Variants in BLCAP observed in about 807,000 individuals in gnomAD.
The protein encoded by BLCAP is BLCAP apoptosis inducing factor.
Under a neutral mutation model 5.7 loss-of-function variants are expected in BLCAP, and 1 was observed. The ratio of observed to expected loss-of-function variants is 0.18; its 90% confidence interval spans 0.06 to 0.83. BLCAP has a LOEUF of 0.83. Among genes scored for constraint, BLCAP ranks in the 40% least tolerant of loss-of-function variants. The probability of loss-of-function intolerance (pLI) is 0.71; values close to 1 mark genes in which losing one functional copy is unlikely to be tolerated. For synonymous variants in BLCAP, 48 were observed against 49.4 expected (o/e 0.97, Z 0.11); for missense variants, 66 against 107.6 (o/e 0.61, Z 1.71).
At position 37,521,402 on chromosome 20, in the gene BLCAP, A is replaced by C. The variant is rs1401437529; in HGVS notation, c.-176-2052T>G. ...TGGTACATCTTCCGCGTGCTGCTGCAGGTAAGTCTGACGGGGTTTCGGGTG... is the reference window on the plus strand; with the variant it reads ...TGGTACATCTTCCGCGTGCTGCTGCCGGTAAGTCTGACGGGGTTTCGGGTG... On this transcript the variant is annotated intron_variant, in intron 1 of 1. Coordinates refer to ENST00000373537, the MANE Select transcript of BLCAP (RefSeq NM_006698.4). The surrounding 1 kb of genome is among the most constrained non-coding windows in gnomAD (Gnocchi z 4.5). The C allele has an allele frequency of 1.2e-6, 2 of 1,614,082 alleles. No homozygotes were observed. The highest frequency in any genetic ancestry group is 1.7e-6 in the Non-Finnish European group (2 of 1,179,956).
chr20:37,522,397 T>C, intron 1 of BLCAP: 1 of 1,613,994 alleles, frequency 6.2e-7, no homozygotes, highest in Non-Finnish European at 8.5e-7. Context: ...AGGATTCGCT[T>C]TTCGAAATCC....
rs994815134 is a variant in BLCAP, at chr20:37,521,180, A to G, written c.-176-1830T>C. On this transcript the variant is annotated intron_variant, in intron 1 of 1. Transcript: ENST00000373537. The surrounding 1 kb of genome is among the most constrained non-coding windows in gnomAD (Gnocchi z 4.5). ...CCCCCAGCCACCCCTCCTCATAAAC[A>G]CCCCCCAAGGCGCGCATGCGCACTT... is the stretch of plus-strand genomic sequence containing the variant. The G allele has an allele frequency of 1.4e-6, 1 of 736,738 alleles. No homozygotes were observed. The highest frequency in any genetic ancestry group is 2.4e-6 in the Non-Finnish European group (1 of 421,722). The allele number at this position is 736,738 out of a possible 1,614,324, so 45.6% of individuals were successfully genotyped here.
intron 1 of BLCAP, among the ~76,000 whole-genome samples, chr20:37,526,420 C>T (rs1037534912): frequency 6.6e-6 from 1 of 152,066 alleles, no homozygotes; most frequent in African/African-American, 2.4e-5. Flanking sequence ...TCACCATCTT[C>T]CCTGGGAGTG....
chr20:37,524,172 T>C (rs1330669003), intron 1 of BLCAP, among the ~76,000 whole-genome samples: 5 of 152,124 alleles, frequency 3.3e-5, no homozygotes, highest in Non-Finnish European at 5.9e-5. Flanking sequence ...ACAATGAGTA[T>C]GGGATAAGAG....
Position 37,521,669 on chromosome 20 carries a change from G to A in BLCAP, c.-176-2319C>T, listed in dbSNP as rs1166413338. On this transcript the variant is annotated intron_variant, in intron 1 of 1. Coordinates refer to ENST00000373537, the MANE Select transcript of BLCAP (RefSeq NM_006698.4). The surrounding 1 kb of genome is among the most constrained non-coding windows in gnomAD (Gnocchi z 4.5). ...GGCGACCGCTGCGGACGATCACCCA[G>A]GCATTTAGCGACCTACGCGGTAAGA... 1.5e-5 allele frequency: 7 copies of A among 476,058 alleles called. No individual in the cohort carries two copies. The highest frequency in any genetic ancestry group is 2.7e-5 in the Non-Finnish European group (7 of 263,492). The allele number at this position is 476,058 out of a possible 1,614,324, so 29.5% of individuals were successfully genotyped here. A position where few individuals can be genotyped will look rare whatever the true frequency, so the allele number is the denominator to read the frequency against.
rs11481521 is a variant in BLCAP at position 37,522,067 on chromosome 20, G to GA, written c.-176-2718dup. Among the ~76,000 whole-genome samples the GA allele has an allele frequency of 9.3e-3, 1,384 of 148,060 alleles. 10 individuals are homozygous for GA. The highest frequency in any genetic ancestry group is 0.015 in the Non-Finnish European group (1,009 of 67,256). On this transcript the variant is annotated intron_variant, in intron 1 of 1. Transcript: ENST00000373537. ...AAAAAATTAGACAAGGGAGCTAACGGAAAAAAATGGATCGGGCAAAAACGC... is the reference window on the plus strand; with the variant it reads ...AAAAAATTAGACAAGGGAGCTAACGGAAAAAAAATGGATCGGGCAAAAACGC...
In BLCAP at chr20:37,517,792, T is replaced by C. The variant is rs1171340508; in HGVS notation, c.*1119A>G. On this transcript the variant is annotated 3_prime_UTR_variant, in exon 2 of 2. Coordinates refer to ENST00000373537, the MANE Select transcript of BLCAP (RefSeq NM_006698.4). ...AACGAAGAAGCTCCTGGCGGGAGGA[T>C]GATGGCCACTGCTCCCCTCTGTCTT... is the stretch of plus-strand genomic sequence containing the variant. The C allele has an allele frequency of 6.5e-6, 1 of 152,710 alleles. No individual in the cohort carries two copies. The highest frequency in any genetic ancestry group is 1.5e-5 in the Non-Finnish European group (1 of 68,082). The allele number at this position is 152,710 out of a possible 1,614,324, so 9.5% of individuals were successfully genotyped here. A position where few individuals can be genotyped will look rare whatever the true frequency, so the allele number is the denominator to read the frequency against.
Position 37,518,808 on chromosome 20 carries a change from A to C in BLCAP, c.*103T>G. On this transcript the variant is annotated 3_prime_UTR_variant, in exon 2 of 2. Coordinates refer to ENST00000373537, the MANE Select transcript of BLCAP (RefSeq NM_006698.4). ...CCAAAAAGGCGCCGTCAGGAATGTG[A>C]CACCCGCGAGGCTGCGGGATTTGAA... The C allele has an allele frequency of 6.7e-7, 1 of 1,486,816 alleles. No homozygotes were observed. The highest frequency in any genetic ancestry group is 9.0e-7 in the Non-Finnish European group (1 of 1,108,858). The allele number at this position is 1,486,816 out of a possible 1,614,324, so 92.1% of individuals were successfully genotyped here. A position where few individuals can be genotyped will look rare whatever the true frequency, so the allele number is the denominator to read the frequency against.
chr20:37,522,822 C>T (rs1163916676), intron 1 of BLCAP: 3 of 1,449,898 alleles, frequency 2.1e-6, no homozygotes, highest in Non-Finnish European at 2.8e-6. Context: ...TCGGCCAGCA[C>T]GGGAGCCAGT....
At chr20:37,524,306 G>A in intron 1 of BLCAP, 1 of 152,452 alleles carries the variant, frequency 6.6e-6, no homozygotes. Context: ...CCTCACCCCA[G>A]AAACCTCTCT....
Position 37,518,815 on chromosome 20 carries a change from C to T in BLCAP, c.*96G>A. 4.0e-6 allele frequency: 6 copies of T among 1,511,592 alleles called. No homozygotes were observed. Among genetic ancestry groups the T allele is most frequent in the Middle Eastern group, 1.8e-4 (1 of 5,594 alleles). The allele number at this position is 1,511,592 out of a possible 1,614,324, so 93.6% of individuals were successfully genotyped here. On this transcript the variant is annotated 3_prime_UTR_variant, in exon 2 of 2. Coordinates refer to ENST00000373537, the MANE Select transcript of BLCAP (RefSeq NM_006698.4). ...GGCGCCGTCAGGAATGTGACACCCG[C>T]GAGGCTGCGGGATTTGAAACTCCAA...
Position 37,518,874 on chromosome 20 carries a change from G to A in BLCAP, c.*37C>T, listed in dbSNP as rs369506114. On this transcript the variant is annotated 3_prime_UTR_variant, in exon 2 of 2. Transcript: ENST00000373537. ...GACCTATGTCAATGCCTCCCCTCCC[G>A]TCTTCTGCTTCCTTGGAAAGCTAAC... 7 of 1,605,664 alleles carry A rather than the reference G, an allele frequency of 4.4e-6. No homozygotes were observed. The Admixed American group carries it at 6.7e-5, about 15-fold the overall frequency.
chr20:37,522,369 A>G, intron 1 of BLCAP: 1 of 1,613,934 alleles, frequency 6.2e-7, no homozygotes, highest in Non-Finnish European at 8.5e-7. Flanking sequence ...TGTTCCTGGA[A>G]TGCTGCATTT....
intron 1 of BLCAP, chr20:37,522,560 T>C (rs1601094159): frequency 1.2e-6 from 1 of 847,566 alleles, no homozygotes; most frequent in Non-Finnish European, 1.5e-6. Flanking sequence ...CAGCCTACGC[T>C]GGATGGGCGG....
At chr20:37,526,396 C>A (rs2071722801) in intron 1 of BLCAP, among the ~76,000 whole-genome samples, 1 of 151,736 alleles carries the variant, frequency 6.6e-6, no homozygotes, top group Non-Finnish European at 1.5e-5. Context: ...TCTATATGCC[C>A]CAGAGACACG....
In BLCAP at chr20:37,521,253, G is replaced by T; in HGVS notation, c.-176-1903C>A. The stretch of plus-strand genomic sequence containing the variant: ...GCGCGGCCACCGCGGCTGCGGCAGT[G>T]CGCCCAACAGCGGACTCCGAGACCA... On this transcript the variant is annotated intron_variant, in intron 1 of 1. Coordinates refer to ENST00000373537, the MANE Select transcript of BLCAP (RefSeq NM_006698.4). This position sits in a 1 kb window ranked among gnomAD's most constrained non-coding sequence, Gnocchi z 4.5. The T allele has an allele frequency of 6.8e-7, 1 of 1,469,570 alleles. No individual in the cohort carries two copies. The highest frequency in any genetic ancestry group is 1.7e-5 in the Admixed American group (1 of 59,584). 91.0% of individuals were successfully genotyped at this position (1,469,570 alleles called of 1,614,324 possible).
intron 1 of BLCAP, chr20:37,523,001 G>A (rs2071642133): frequency 4.3e-6 from 2 of 469,308 alleles, no homozygotes; most frequent in African/African-American, 2.0e-5. Context: ...GTCGAGAGAG[G>A]AGGGGGGATA....
chr20:37,526,033 G>A (rs901776227), intron 1 of BLCAP, among the ~76,000 whole-genome samples: 1 of 152,098 alleles, frequency 6.6e-6, no homozygotes, highest in African/African-American at 2.4e-5. Flanking sequence ...GACTTTTAGG[G>A]GTGCAGGGTG....
At position 37,519,205 on chromosome 20, in the gene BLCAP, C is replaced by T; in HGVS notation, c.-31G>A. 1 of 1,548,528 alleles carries T rather than the reference C, an allele frequency of 6.5e-7. No homozygotes were observed. The highest frequency in any genetic ancestry group is 8.7e-7 in the Non-Finnish European group (1 of 1,145,078). On this transcript the variant is annotated 5_prime_UTR_variant, in exon 2 of 2. Coordinates refer to ENST00000373537, the MANE Select transcript of BLCAP (RefSeq NM_006698.4). ...CTGCCGGGCAGGGCCTTCACCAAGG[C>T]TGCCGGGCACCGCTGCAGGAACCGA...
Sources: allele counts gnomAD v4.1 joint callset (sites outside exome capture counted in the v4.1 genomes callset), GRCh38; gene constraint gnomAD v4.1.1; non-coding constraint Gnocchi (gnomAD v3.1); transcripts MANE v1.5; gene names NCBI Gene and HGNC (gene_info 2026-07-23, HGNC 2026-07-21).